The following ARHGAP39 variants were observed in gnomAD, a reference collection of about 807,000 sequenced individuals.
ARHGAP39 encodes the protein rho GTPase-activating protein 39.
Under a neutral mutation model 106.9 loss-of-function variants are expected in ARHGAP39, and 44 were observed. The observed-to-expected ratio is 0.41, with a 90% CI of 0.32 to 0.53. ARHGAP39 has a LOEUF of 0.53. Ranked by LOEUF, ARHGAP39 falls within the 20% of genes least tolerant of loss-of-function variation. ARHGAP39 has a pLI of 0.21. For synonymous variants in ARHGAP39, 768 were observed against 693.2 expected (o/e 1.11, Z -1.69); for missense variants, 1,496 against 1,577.3 (o/e 0.95, Z 0.87).
chr8:144,627,309 A>G (rs1414893496), intron 1 of ARHGAP39, among the ~76,000 whole-genome samples: 1 of 152,176 alleles, frequency 6.6e-6, no homozygotes, highest in African/African-American at 2.4e-5. Flanking sequence ...TAATCCCAGC[A>G]TTTTGGGAGG....
rs139510502 is a variant in ARHGAP39, at chr8:144,643,043, A to T, written c.-81-37348T>A. On this transcript the variant is annotated intron_variant, in intron 1 of 11. Coordinates refer to ENST00000377307, the MANE Select transcript of ARHGAP39 (RefSeq NM_025251.3). Reference sequence around the variant, plus strand: ...AGCAAACAAAACAACAACAATAGAAAATTAACACCAAGGTCTTCCTCCTCC... The same window carrying T: ...AGCAAACAAAACAACAACAATAGAATATTAACACCAAGGTCTTCCTCCTCC... 1.1e-4 allele frequency among the ~76,000 whole-genome samples: 16 copies of T among 152,070 alleles called. No individual in the cohort carries two copies. The East Asian group carries it at 3.1e-3, about 29-fold the overall frequency.
chr8:144,631,205 C>A (rs775258108), intron 1 of ARHGAP39, among the ~76,000 whole-genome samples: 5 of 152,248 alleles, frequency 3.3e-5, no homozygotes, highest in Non-Finnish European at 7.3e-5. Context: ...CCAAACACCT[C>A]CCGCCAGACC....
intron 3 of ARHGAP39, among the ~76,000 whole-genome samples, chr8:144,568,333 CAAAAAAAA>C (rs34670018): frequency 6.3e-5 from 3 of 47,294 alleles, no homozygotes; most frequent in Admixed American, 3.6e-4. Flanking sequence ...GACTCTGTCT[CAAAAAAAA>C]AAAAAAAAAA....
rs141083413 is a variant in ARHGAP39, at chr8:144,545,735, C to T, written c.2035G>A (p.Val679Ile). 131 of 1,612,000 alleles carry T rather than the reference C, an allele frequency of 8.1e-5. No individual in the cohort carries two copies. Among genetic ancestry groups the T allele is most frequent in the Non-Finnish European group, 1.0e-4 (118 of 1,179,660 alleles). ...SRSGVPSSSC[V>I]FPTFTLRKPS... ...TTGCGCAGCGTGAAAGTGGGGAAGA[C>T]GCAGCTGGAGCTGGGAACGCCGCTG... Residue 679 changes from valine to isoleucine, a missense_variant, in exon 6 of 12, where the codon GTC becomes ATC. Physicochemically the swap from Val to Ile is conservative, Grantham distance 29. Coordinates refer to ENST00000377307, the MANE Select transcript of ARHGAP39 (RefSeq NM_025251.3).
chr8:144,695,693 T>C, the ARHGAP39 span, among the ~76,000 whole-genome samples: 16 of 152,168 alleles, frequency 1.1e-4, no homozygotes, highest in South Asian at 3.3e-3. Flanking sequence ...TTAAAACAAT[T>C]TTACAGAAAT....
intron 3 of ARHGAP39, among the ~76,000 whole-genome samples, chr8:144,565,644 C>G (rs983300022): frequency 3.9e-5 from 6 of 152,024 alleles, no homozygotes; most frequent in African/African-American, 1.5e-4. Context: ...GCTGAGATTG[C>G]ACCACTGCAC....
chr8:144,590,757 C>G (rs1479944908), intron 2 of ARHGAP39, among the ~76,000 whole-genome samples: 8 of 152,008 alleles, frequency 5.3e-5, no homozygotes, highest in Admixed American at 5.2e-4. Context: ...CCTACCCCCC[C>G]ACAACCCAAC....
rs1276946692 is a variant in ARHGAP39, at chr8:144,589,087, GGCTCATCAACT to G, written c.81-7821_81-7811del. ...TCCGTTAGTAACAATTCCCGGCAGG[GGCTCATCAACT>G]GCAGAAAGGCACCGGCGGCATGACG... is the stretch of plus-strand genomic sequence containing the variant. On this transcript the variant is annotated intron_variant, in intron 2 of 11. Coordinates refer to ENST00000377307, the MANE Select transcript of ARHGAP39 (RefSeq NM_025251.3). Among the ~76,000 whole-genome samples, 3 of 152,260 alleles carry G rather than the reference GGCTCATCAACT, an allele frequency of 2.0e-5. No homozygotes were observed. The East Asian group carries it at 5.8e-4, about 29-fold the overall frequency.
Position 144,667,521 on chromosome 8 carries a change from G to A in ARHGAP39, c.-82+18165C>T, listed in dbSNP as rs552048887. On this transcript the variant is annotated intron_variant, in intron 1 of 11. Coordinates refer to ENST00000377307, the MANE Select transcript of ARHGAP39 (RefSeq NM_025251.3). ...AGAACATAAGCTCCAAGAGAGCAGGGGCTTGGCCTGTCCTCCTCCCTGGGA... is the reference window on the plus strand; with the variant it reads ...AGAACATAAGCTCCAAGAGAGCAGGAGCTTGGCCTGTCCTCCTCCCTGGGA... Among the ~76,000 whole-genome samples the A allele has an allele frequency of 2.2e-3, 331 of 152,308 alleles. 4 individuals carry two copies. The highest frequency in any genetic ancestry group is 3.2e-3 in the African/African-American group (133 of 41,568).
At chr8:144,555,074 C>T (rs958799273) in intron 4 of ARHGAP39, among the ~76,000 whole-genome samples, 28 of 152,214 alleles carry the variant, frequency 1.8e-4, no homozygotes, top group Admixed American at 1.6e-3. Flanking sequence ...GTGGAGGGAG[C>T]GTCCTGCCCG....
intron 1 of ARHGAP39, among the ~76,000 whole-genome samples, chr8:144,677,441 C>T (rs372399189): frequency 9.9e-5 from 15 of 152,270 alleles, no homozygotes; most frequent in African/African-American, 3.1e-4. Context: ...CCTGATGTGA[C>T]GGAATAAACG....
intron 1 of ARHGAP39, among the ~76,000 whole-genome samples, chr8:144,612,122 A>G (rs1305933683): frequency 4.2e-4 from 56 of 133,332 alleles, no homozygotes; most frequent in East Asian, 1.6e-3. Flanking sequence ...AACAGAGTGA[A>G]GTGAGCCACG....
rs747531679 is a variant in ARHGAP39, at chr8:144,547,373, C to T, written c.1713G>A (p.Lys571=). Residue 571 remains lysine, a synonymous_variant, in exon 5 of 12, where the codon AAG becomes AAA. Transcript: ENST00000377307. The surrounding 1 kb of genome is among the most constrained non-coding windows in gnomAD (Gnocchi z 5.2). The part of the protein sequence containing the change: ...WEAQQAHFHM[K]QRSSWDSQQD... ...GCTGGGAGTCCCAGCTGCTCCTCTG[C>T]TTCATGTGGAAGTGGGCCTGCTGCG... The T allele has an allele frequency of 1.3e-6, 2 of 1,599,988 alleles. No individual in the cohort carries two copies. The highest frequency in any genetic ancestry group is 4.5e-5 in the East Asian group (2 of 44,778).
chr8:144,634,081 T>G (rs1029035227), intron 1 of ARHGAP39, among the ~76,000 whole-genome samples: 2 of 152,284 alleles, frequency 1.3e-5, no homozygotes, highest in Non-Finnish European at 2.9e-5. Context: ...TGCCTTTCAG[T>G]CCCTGAGCCA....
rs1002241830 is a variant in ARHGAP39, at chr8:144,641,503, G to A, written c.-81-35808C>T. On this transcript the variant is annotated intron_variant, in intron 1 of 11. Coordinates refer to ENST00000377307, the MANE Select transcript of ARHGAP39 (RefSeq NM_025251.3). The surrounding 1 kb of genome is among the most constrained non-coding windows in gnomAD (Gnocchi z 5.2). Reference sequence around the variant, plus strand: ...ACTCCCGAGGCAGGAGCTCAGGCAGGGCCCTGGCAGCACCACCTGACCTGT... The same window carrying A: ...ACTCCCGAGGCAGGAGCTCAGGCAGAGCCCTGGCAGCACCACCTGACCTGT... Among the ~76,000 whole-genome samples the A allele has an allele frequency of 1.3e-5, 2 of 151,776 alleles. No individual in the cohort carries two copies. The highest frequency in any genetic ancestry group is 2.9e-5 in the Non-Finnish European group (2 of 67,996).
At chr8:144,654,400 G>A (rs1435072737) in intron 1 of ARHGAP39, among the ~76,000 whole-genome samples, 1 of 151,744 alleles carries the variant, frequency 6.6e-6, no homozygotes, top group African/African-American at 2.4e-5. Flanking sequence ...AGTTACTCGG[G>A]AGCTGAGGTG....
chr8:144,530,361 A>G lies in ARHGAP39; in HGVS notation c.*61T>C. The G allele has an allele frequency of 3.3e-6, 5 of 1,502,452 alleles. No homozygotes were observed. Among genetic ancestry groups the G allele is most frequent in the Non-Finnish European group, 4.5e-6 (5 of 1,111,590 alleles). The allele number at this position is 1,502,452 out of a possible 1,614,324, so 93.1% of individuals were successfully genotyped here. ...TTCTGGCCCCTCTGCCGGGAGAGCG[A>G]GTGCGGAGTTCGGCCTGGCTGGGGG... On this transcript the variant is annotated 3_prime_UTR_variant, in exon 12 of 12. Transcript: ENST00000377307.
At chr8:144,607,649 A>C (rs1327406419) in intron 1 of ARHGAP39, among the ~76,000 whole-genome samples, 2 of 152,200 alleles carry the variant, frequency 1.3e-5, no homozygotes, top group African/African-American at 4.8e-5. Context: ...AAGCCCCAGA[A>C]GAGAGCACAG....
rs2069438546 is a variant in ARHGAP39 at position 144,624,576 on chromosome 8, G to A, written c.-81-18881C>T. ...CCGTCCCGGCGGCCCGGTTCACGGA[G>A]CACTCACTGCACACTGCGGCAGCCC... is the stretch of plus-strand genomic sequence containing the variant. On this transcript the variant is annotated intron_variant, in intron 1 of 11. Transcript: ENST00000377307. Among the ~76,000 whole-genome samples, 2 of 150,998 alleles carry A rather than the reference G, an allele frequency of 1.3e-5. 1 individual carries two copies. Among genetic ancestry groups the A allele is most frequent in the Admixed American group, 1.3e-4 (2 of 15,204 alleles).
Sources: allele counts gnomAD v4.1 joint callset (sites outside exome capture counted in the v4.1 genomes callset), GRCh38; gene constraint gnomAD v4.1.1; non-coding constraint Gnocchi (gnomAD v3.1); transcripts MANE v1.5; gene names NCBI Gene and HGNC (gene_info 2026-07-23, HGNC 2026-07-21).